Variants in VCAN observed in about 807,000 individuals in gnomAD.
VCAN encodes versican.
In VCAN, 44 loss-of-function variants were observed where a neutral mutation model predicts 245.5. The observed-to-expected ratio is 0.18, with a 90% CI of 0.14 to 0.23. VCAN has a LOEUF of 0.23. Ranked by LOEUF, VCAN falls within the 10% of genes least tolerant of loss-of-function variation. The pLI, the probability that VCAN is intolerant of heterozygous loss-of-function variation, is 1.00. For missense variants in VCAN, 3,793 were observed against 4,057.9 expected (o/e 0.93, Z 1.77); for synonymous variants, 1,413 against 1,437.0 (o/e 0.98, Z 0.38).
In VCAN at chr5:83,521,671, TAAC is replaced by T. The variant is rs1400827329; in HGVS notation, c.3367_3369del (p.Thr1123del). The T allele has an allele frequency of 1.2e-6, 2 of 1,613,830 alleles. No homozygotes were observed. The highest frequency in any genetic ancestry group is 1.1e-5 in the South Asian group (1 of 91,086). On this transcript the variant is annotated inframe_deletion, in exon 7 of 15. Coordinates refer to ENST00000265077, the MANE Select transcript of VCAN (RefSeq NM_004385.5). ...GTGAAAACAGATGAAGTGGTAACAC[TAAC>T]ACCACGCATTGGGCCAAAAGTATCT... is the stretch of plus-strand genomic sequence containing the variant.
chr5:83,530,878 TG>T (rs1481447629), intron 7 of VCAN, among the ~76,000 whole-genome samples: 2 of 152,124 alleles, frequency 1.3e-5, no homozygotes, highest in African/African-American at 2.4e-5. Context: ...TGGGGCATCA[TG>T]TGGTCATCTG....
At chr5:83,575,217 C>T (rs1252735456) in intron 13 of VCAN, among the ~76,000 whole-genome samples, 1 of 152,066 alleles carries the variant, frequency 6.6e-6, no homozygotes, top group Admixed American at 6.6e-5. Flanking sequence ...TACATCAAGC[C>T]CGAGTCTCAT....
intron 1 of VCAN, among the ~76,000 whole-genome samples, chr5:83,481,890 G>C (rs1744626352): frequency 6.6e-6 from 1 of 152,128 alleles, no homozygotes. Context: ...TTCAAGATCA[G>C]TTTTGTAATT....
intron 1 of VCAN, among the ~76,000 whole-genome samples, chr5:83,481,354 T>C (rs1393573938): frequency 6.6e-6 from 1 of 152,088 alleles, no homozygotes; most frequent in Non-Finnish European, 1.5e-5. Context: ...GGTTTCTTAT[T>C]TGGATTCAGC....
At chr5:83,546,471 A>G (rs181433743) in intron 9 of VCAN, among the ~76,000 whole-genome samples, 2 of 152,082 alleles carry the variant, frequency 1.3e-5, no homozygotes, top group African/African-American at 4.8e-5. Context: ...AAAAAAGTCA[A>G]CGAGGCCAGC....
chr5:83,541,650 T>C lies in VCAN; in HGVS notation c.8647T>C (p.Tyr2883His). 1.2e-6 allele frequency: 2 copies of C among 1,613,926 alleles called. No individual in the cohort carries two copies. Among genetic ancestry groups the C allele is most frequent in the South Asian group, 2.2e-5 (2 of 91,080 alleles). ...GACTTTCAAACCATCAAGTGAGGAA[T>C]ACCTTCACATAACTGAGCCTCCCTC... The part of the protein sequence containing the change: ...EATFKPSSEE[Y>H]LHITEPPSLS... The change falls in exon 8 of 15, where the codon TAC (tyrosine) becomes CAC (histidine). Residue 2883 changes from tyrosine to histidine, a missense_variant. Tyr to His is a moderately conservative substitution (Grantham distance 83, BLOSUM62 2). Around this residue, in one of 5 missense-constraint regions of VCAN, gnomAD observed 3,182 missense variants for 3,250.3 expected, o/e 0.98. Coordinates refer to ENST00000265077, the MANE Select transcript of VCAN (RefSeq NM_004385.5).
At chr5:83,560,869 T>C (rs1036039680) in intron 12 of VCAN, among the ~76,000 whole-genome samples, 1 of 152,132 alleles carries the variant, frequency 6.6e-6, no homozygotes, top group African/African-American at 2.4e-5. Context: ...CCATCAAAGC[T>C]GACCCTTCCC....
At chr5:83,567,524 A>G (rs569180288) in intron 12 of VCAN, among the ~76,000 whole-genome samples, 1 of 151,748 alleles carries the variant, frequency 6.6e-6, no homozygotes, top group South Asian at 2.1e-4. Flanking sequence ...CTGGTCTCGA[A>G]CTCCTGACCT....
In VCAN at chr5:83,521,527, C is replaced by T. The variant is rs999401675; in HGVS notation, c.3221C>T (p.Thr1074Ile). 4 of 1,613,942 alleles carry T rather than the reference C, an allele frequency of 2.5e-6. No homozygotes were observed. The highest frequency in any genetic ancestry group is 3.4e-6 in the Non-Finnish European group (4 of 1,180,022). The change falls in exon 7 of 15, where the codon ACA (threonine) becomes ATA (isoleucine). Residue 1074 changes from threonine to isoleucine, a missense_variant. This residue lies in a region of VCAN where 3,182 missense variants were observed against 3,250.3 expected (regional missense o/e 0.98). Transcript: ENST00000265077. ...CAAGAGGGCGATGGATCAGCATATA[C>T]AGTCTCTGAAGATGAATTGTTGACA... ...DEQEGDGSAY[T>I]VSEDELLTGS...
intron 13 of VCAN, 113 bp from the exon 14 acceptor site, chr5:83,579,867 C>A (rs1748607995): frequency 2.7e-6 from 3 of 1,123,932 alleles, no homozygotes; most frequent in Non-Finnish European, 2.6e-6. Flanking sequence ...TAAAAGATTG[C>A]CTTTGATGAA....
intron 3 of VCAN, among the ~76,000 whole-genome samples, chr5:83,491,565 TTC>T (rs143570594): frequency 2.6e-4 from 39 of 149,796 alleles, no homozygotes; most frequent in South Asian, 6.3e-4. Flanking sequence ...CTACTGTGAT[TTC>T]TCTCTCTCTC....
At chr5:83,505,341 T>C (rs1398094427) in intron 5 of VCAN, among the ~76,000 whole-genome samples, 1 of 152,106 alleles carries the variant, frequency 6.6e-6, no homozygotes, top group Non-Finnish European at 1.5e-5. Context: ...ACAATGGGGA[T>C]ACAGGTATTG....
At chr5:83,567,298 T>TTTTG (rs1046927322) in intron 12 of VCAN, among the ~76,000 whole-genome samples, 5 of 151,862 alleles carry the variant, frequency 3.3e-5, no homozygotes, top group Non-Finnish European at 7.4e-5. Context: ...CTATTTGCGT[T>TTTTG]TTTGTTTGTT....
chr5:83,474,003 A>C (rs33606), intron 1 of VCAN, among the ~76,000 whole-genome samples: 1 of 152,094 alleles, frequency 6.6e-6, no homozygotes, highest in Non-Finnish European at 1.5e-5. Flanking sequence ...GCACATGGCC[A>C]GGGTGGAGCC....
chr5:83,526,352 T>A (rs1454444852), intron 7 of VCAN, among the ~76,000 whole-genome samples: 1 of 152,212 alleles, frequency 6.6e-6, no homozygotes, highest in Non-Finnish European at 1.5e-5. Flanking sequence ...TATAGAAAAA[T>A]TACTTTCTGA....
intron 2 of VCAN, among the ~76,000 whole-genome samples, chr5:83,484,037 T>G (rs963652962): frequency 2.6e-5 from 4 of 152,242 alleles, no homozygotes; most frequent in African/African-American, 9.6e-5. Context: ...AAAAAGCAGT[T>G]GGATATGCAT....
chr5:83,481,282 T>G (rs1214347105), intron 1 of VCAN, among the ~76,000 whole-genome samples: 1 of 150,308 alleles, frequency 6.7e-6, no homozygotes, highest in Non-Finnish European at 1.5e-5. Flanking sequence ...TCTCGCTCTG[T>G]CGCCCAGGCG....
rs7728751 is a variant in VCAN at position 83,547,790 on chromosome 5, G to A, written c.9380-181G>A. 0.8 allele frequency among the ~76,000 whole-genome samples: 121,703 copies of A among 152,162 alleles called. 49,066 individuals are homozygous for A. Among genetic ancestry groups the A allele is most frequent in the African/African-American group, 0.86 (35,901 of 41,552 alleles). On this transcript the variant is annotated intron_variant, in intron 9 of 14. Transcript: ENST00000265077. ...TTTCAAGTAAAAACGAAATAACTTT[G>A]TAGTATAGGTTTGCCCTAAATATGG... is the stretch of plus-strand genomic sequence containing the variant.
chr5:83,536,895 G>A, intron 7 of VCAN, 112 bp from the exon 8 acceptor site: 2 of 885,908 alleles, frequency 2.3e-6, no homozygotes, highest in South Asian at 1.9e-5. Flanking sequence ...ATTATGAAAA[G>A]ATTTGAATCC....
Sources: allele counts gnomAD v4.1 joint callset (sites outside exome capture counted in the v4.1 genomes callset), GRCh38; gene constraint gnomAD v4.1.1; regional missense constraint gnomAD v4.1.1; transcripts MANE v1.5; gene names NCBI Gene and HGNC (gene_info 2026-07-23, HGNC 2026-07-21).